GREB1: variants seen among roughly 807,000 people sequenced by gnomAD.
GREB1 encodes protein GREB1.
Under a neutral mutation model 200.7 loss-of-function variants are expected in GREB1, and 106 were observed. The ratio of observed to expected loss-of-function variants is 0.53; its 90% CI spans 0.45 to 0.62. The LOEUF is 0.62. GREB1 is among the 20% of genes least tolerant of loss of function. The probability of loss-of-function intolerance (pLI) is 0.00; values close to 1 mark genes in which losing one functional copy is unlikely to be tolerated. For missense variants in GREB1, 2,243 were observed against 2,556.8 expected, an observed-to-expected ratio of 0.88 and a Z score of 2.65; for synonymous variants, 1,132 against 1,092.4, an observed-to-expected ratio of 1.04 and a Z score of -0.72.
rs947469774 is a variant in GREB1 at position 11,585,700 on chromosome 2, C to T, written c.1016-62C>T. ...GCAGATTTGCTGGCTGGCCTGATGT[C>T]AGGTATGTGAGAGGTGGATGCCTTG... On this transcript the variant is annotated intron_variant, in intron 8 of 32. Transcript: ENST00000381486. The T allele has an allele frequency of 1.1e-5, 17 of 1,586,130 alleles. No homozygotes were observed. The African/African-American group carries it at 2.0e-4, about 19-fold the overall frequency.
At chr2:11,518,747 CAAA>C (rs11417674) in intron 1 of GREB1, among the ~76,000 whole-genome samples, 1 of 102,546 alleles carries the variant, frequency 9.8e-6, no homozygotes, top group Non-Finnish European at 2.2e-5. Context: ...AAGTGAAATA[CAAA>C]AAAAAAAAAA....
chr2:11,592,620 A>C (rs966406964), intron 10 of GREB1, among the ~76,000 whole-genome samples, 156 bp from the exon 11 acceptor site: 18 of 152,126 alleles, frequency 1.2e-4, no homozygotes, highest in Non-Finnish European at 2.1e-4. Context: ...CGGTGGTGAG[A>C]TTGTGGCGGA....
chr2:11,562,575 C>G lies in GREB1; in HGVS notation c.270C>G (p.Thr90=), dbSNP rs1553356228. 2 of 1,586,632 alleles carry G rather than the reference C, an allele frequency of 1.3e-6. No homozygotes were observed. The highest frequency in any genetic ancestry group is 1.7e-6 in the Non-Finnish European group (2 of 1,167,166). Reference sequence around the variant, plus strand: ...ACCCTCTGCCTGAAGGATGCTGTACCACAGACGGTGAGCCTCTGCCAGCTC... The same window carrying G: ...ACCCTCTGCCTGAAGGATGCTGTACGACAGACGGTGAGCCTCTGCCAGCTC... ...QLHPLPEGCC[T]TDGFCQAGKD... The change falls in exon 3 of 33, where the codon ACC becomes ACG. Residue 90 remains threonine, a synonymous_variant. Coordinates refer to ENST00000381486, the MANE Select transcript of GREB1 (RefSeq NM_014668.4).
At chr2:11,555,740 G>C (rs1676370596) in intron 1 of GREB1, among the ~76,000 whole-genome samples, 1 of 152,178 alleles carries the variant, frequency 6.6e-6, no homozygotes, top group Non-Finnish European at 1.5e-5. Flanking sequence ...TTGGAGGGTT[G>C]CAGAGTGATA....
In GREB1 at chr2:11,592,796, A is replaced by G; in HGVS notation, c.1366A>G (p.Met456Val). The change falls in exon 11 of 33, where the codon ATG (methionine) becomes GTG (valine). Residue 456 changes from methionine to valine, a missense_variant. This residue lies in a region of GREB1 where 1,178 missense variants were observed against 1,387.4 expected (regional missense o/e 0.85). Transcript: ENST00000381486. ...TGCAGCCGCGGACCAGGTGCCCTTG[A>G]TGGAGGACCTGGAGCAGATCTTCCT... ...VQLAADQVPL[M>V]EDLEQIFLRS... 1 of 1,544,908 alleles carries G rather than the reference A, an allele frequency of 6.5e-7. No homozygotes were observed. The highest frequency in any genetic ancestry group is 8.7e-7 in the Non-Finnish European group (1 of 1,152,880).
chr2:11,615,041 C>T, intron 19 of GREB1, 50 bp from the exon 20 acceptor site: 1 of 1,401,272 alleles, frequency 7.1e-7, no homozygotes, highest in Non-Finnish European at 1.0e-6. Flanking sequence ...GGGAACAGCA[C>T]TCCACTTGTG....
At chr2:11,626,417 G>A (rs184918895) in intron 24 of GREB1, among the ~76,000 whole-genome samples, 67 of 152,122 alleles carry the variant, frequency 4.4e-4, no homozygotes, top group African/African-American at 1.5e-3. Context: ...GCAAAACCCC[G>A]TCTCTACAAA....
chr2:11,594,306 G>A (rs1045910192), intron 11 of GREB1, among the ~76,000 whole-genome samples: 22 of 152,030 alleles, frequency 1.4e-4, no homozygotes, highest in Non-Finnish European at 2.6e-4. Context: ...CACTGTGCCT[G>A]GCATTTAATG....
At chr2:11,591,606 GT>G in intron 10 of GREB1, 1 of 612,450 alleles carries the variant, frequency 1.6e-6, no homozygotes, top group Non-Finnish European at 3.0e-6. Context: ...CCGATGCACC[GT>G]TCGCGTGGTA....
chr2:11,616,532 A>G (rs868542579), intron 20 of GREB1, 99 bp from the exon 21 acceptor site: 21 of 765,950 alleles, frequency 2.7e-5, no homozygotes, highest in Middle Eastern at 4.7e-4. Flanking sequence ...GGATGGGGAG[A>G]GGTGATGCAT....
rs1227897876 is a variant in GREB1, at chr2:11,538,931, CCCCTCCCCTCCCCTCG to C, written c.-162+4678_-162+4693del. On this transcript the variant is annotated intron_variant, in intron 1 of 32. Transcript: ENST00000381486. ...CCTTCCCCCTCCCCTCCCCTCGTGT[CCCCTCCCCTCCCCTCG>C]TGTCCCCTCCCCTCCTCTCCCCTCC... is the stretch of plus-strand genomic sequence containing the variant. Among the ~76,000 whole-genome samples, 9 of 20,400 alleles carry C rather than the reference CCCCTCCCCTCCCCTCG, an allele frequency of 4.4e-4. 2 individuals carry two copies. The East Asian group carries it at 7.4e-3, about 17-fold the overall frequency. 13.4% of individuals were successfully genotyped at this position (20,400 alleles called of 152,430 possible).
At chr2:11,583,325 C>G (rs1314074252) in intron 7 of GREB1, among the ~76,000 whole-genome samples, 1 of 152,124 alleles carries the variant, frequency 6.6e-6, no homozygotes, top group Non-Finnish European at 1.5e-5. Flanking sequence ...CAATTGGGGA[C>G]AGATGTTTGC....
At chr2:11,590,519 T>C (rs1680624420) in intron 10 of GREB1, among the ~76,000 whole-genome samples, 1 of 152,104 alleles carries the variant, frequency 6.6e-6, no homozygotes, top group Non-Finnish European at 1.5e-5. Context: ...CCAAAGACAT[T>C]TGTGTGGCTT....
In GREB1 at chr2:11,601,007, G is replaced by A. The variant is rs550898977; in HGVS notation, c.2529+12G>A. The A allele has an allele frequency of 9.8e-5, 156 of 1,599,172 alleles. No individual in the cohort carries two copies. The highest frequency in any genetic ancestry group is 5.8e-4 in the East Asian group (26 of 44,554). On this transcript the variant is annotated intron_variant, in intron 16 of 32. Transcript: ENST00000381486. Reference sequence around the variant, plus strand: ...CCTCCTGCAGTAATGTGAGTGCCACGGGGCTGCTGGGCCCTTGTGTAGCAA... The same window carrying A: ...CCTCCTGCAGTAATGTGAGTGCCACAGGGCTGCTGGGCCCTTGTGTAGCAA...
In GREB1 at chr2:11,632,892, C is replaced by T; in HGVS notation, c.4820C>T (p.Ala1607Val). The change falls in exon 28 of 33, where the codon GCT (alanine) becomes GTT (valine). Residue 1607 changes from alanine to valine, a missense_variant. By Grantham distance (64) the Ala-to-Val change is moderately conservative. This residue lies in a region of GREB1 where 478 missense variants were observed against 616.3 expected (regional missense o/e 0.78). Coordinates refer to ENST00000381486, the MANE Select transcript of GREB1 (RefSeq NM_014668.4). Reference protein sequence around the residue: ...PSIFNSAGVGAAHFLIKELSY... With the variant: ...PSIFNSAGVGVAHFLIKELSY... The stretch of plus-strand genomic sequence containing the variant: ...CCAGGTGCTTTGCCCACTGCAGGTG[C>T]TGCTCATTTCCTCATCAAGGAGCTG... The T allele has an allele frequency of 6.2e-7, 1 of 1,613,588 alleles. No homozygotes were observed. Among genetic ancestry groups the T allele is most frequent in the South Asian group, 1.1e-5 (1 of 90,944 alleles).
Position 11,580,331 on chromosome 2 carries a change from C to T in GREB1, c.773-373C>T, listed in dbSNP as rs1184446202. On this transcript the variant is annotated intron_variant, in intron 6 of 32. Transcript: ENST00000381486. The surrounding 1 kb of genome is among the most constrained non-coding windows in gnomAD (Gnocchi z 4.5). ...GTGTGGTCCTGGAATTCAGGAAGTC[C>T]CCCGGTCCTTCTTTAACTCAGGCTG... Among the ~76,000 whole-genome samples the T allele has an allele frequency of 6.6e-6, 1 of 152,100 alleles. No homozygotes were observed.
At chr2:11,619,431 T>G (rs1286258344) in intron 22 of GREB1, among the ~76,000 whole-genome samples, 1 of 152,172 alleles carries the variant, frequency 6.6e-6, no homozygotes, top group Admixed American at 6.5e-5. Context: ...AATCTGCTCT[T>G]TGGAACAGAG....
chr2:11,578,424 G>T lies in GREB1; in HGVS notation c.765G>T (p.Gln255His). 6.2e-7 allele frequency: 1 copy of T among 1,613,792 alleles called. No homozygotes were observed. The highest frequency in any genetic ancestry group is 2.2e-5 in the East Asian group (1 of 44,884). The change falls in exon 6 of 33, where the codon CAG becomes CAT. Residue 255 changes from glutamine (Q) to histidine (H), a missense_variant. Gln to His is a conservative substitution (Grantham distance 24). Coordinates refer to ENST00000381486, the MANE Select transcript of GREB1 (RefSeq NM_014668.4). ...ACCCCAGCATCCTGATGGGAGCTCA[G>T]CAGGCAGGTGAGGTGGTGGAGACAC... ...GTNPSILMGA[Q>H]QAGPASDHPS...
At chr2:11,573,700 A>G (rs910338934) in intron 4 of GREB1, among the ~76,000 whole-genome samples, 1 of 152,178 alleles carries the variant, frequency 6.6e-6, no homozygotes, top group Non-Finnish European at 1.5e-5. Flanking sequence ...CCAAAGCAGA[A>G]AAGCAGTTTG....
Sources: gnomAD v4.1 joint callset for allele counts (sites outside exome capture counted in the v4.1 genomes callset) on GRCh38, gnomAD v4.1.1 for gene constraint, gnomAD v4.1.1 regional missense constraint, Gnocchi (gnomAD v3.1) non-coding constraint, MANE v1.5 for transcripts, NCBI Gene and HGNC (gene_info 2026-07-23, HGNC 2026-07-21) for gene names.